PCDHA8: variants seen among roughly 807,000 people sequenced by gnomAD.
PCDHA8 encodes the protein protocadherin alpha 8, also known as protocadherin alpha-8.
In PCDHA8, 53 loss-of-function variants were observed where a neutral mutation model predicts 61.8. The ratio of observed to expected loss-of-function variants is 0.86; its 90% CI spans 0.69 to 1.08. The LOEUF (loss-of-function observed/expected upper bound fraction) is 1.08, where lower values mean the gene tolerates loss of function less well. Ranked by LOEUF, PCDHA8 falls within the 50% of genes least tolerant of loss-of-function variation. The pLI is 0.00. For missense variants in PCDHA8, 1,293 were observed against 1,245.0 expected (o/e 1.04, Z -0.58); for synonymous variants, 618 against 556.6 (o/e 1.11, Z -1.55).
chr5:140,946,631 T>TATATATATATAC (rs57893927), intron 1 of PCDHA8, among the ~76,000 whole-genome samples: 3,699 of 131,684 alleles, frequency 0.028, 186 homozygotes, highest in East Asian at 0.064. Flanking sequence ...TATATATATA[T>TATATATATATAC]ACAATGGAAT....
chr5:140,935,734 C>G (rs1290620794), intron 1 of PCDHA8, among the ~76,000 whole-genome samples: 1 of 152,032 alleles, frequency 6.6e-6, no homozygotes, highest in East Asian at 1.9e-4. Flanking sequence ...AGTCTAGTAT[C>G]TATTATTCCA....
rs370307660 is a variant in PCDHA8 at position 140,924,901 on chromosome 5, A to T, written c.2395-54048A>T. On this transcript the variant is annotated intron_variant, in intron 1 of 3. Transcript: ENST00000531613. The stretch of plus-strand genomic sequence containing the variant: ...CAGAGCAAGAACCTGTCTCAAAAAA[A>T]AAAATAAAATAAAATAAAATAAAAT... Among the ~76,000 whole-genome samples, 368 of 80,482 alleles carry T rather than the reference A, an allele frequency of 4.6e-3. 1 individual carries two copies. Among genetic ancestry groups the T allele is most frequent in the East Asian group, 9.1e-3 (17 of 1,868 alleles). The allele number at this position is 80,482 out of a possible 152,430, so 52.8% of individuals were successfully genotyped here. A position where few individuals can be genotyped will look rare whatever the true frequency, so the allele number is the denominator to read the frequency against.
intron 1 of PCDHA8, chr5:140,870,941 C>T: frequency 6.2e-7 from 1 of 1,613,712 alleles, no homozygotes; most frequent in Non-Finnish European, 8.5e-7. Context: ...TTGCAGCCGG[C>T]GGCGGGCGGC....
intron 1 of PCDHA8, chr5:140,849,308 A>C (rs1224094157): frequency 7.7e-7 from 1 of 1,299,604 alleles, no homozygotes; most frequent in Admixed American, 2.3e-5. Flanking sequence ...ATTTAGACGA[A>C]GGCTTGAATG....
intron 1 of PCDHA8, chr5:140,862,620 G>A (rs2047455093): frequency 1.9e-6 from 1 of 528,384 alleles, no homozygotes. Context: ...GTAACAACCC[G>A]CGGGGCTGCC....
At chr5:140,948,321 T>C (rs922752818) in intron 1 of PCDHA8, among the ~76,000 whole-genome samples, 7 of 151,748 alleles carry the variant, frequency 4.6e-5, no homozygotes, top group South Asian at 4.1e-4. Flanking sequence ...AGGGGTAATG[T>C]TTTCATTAGG....
At chr5:140,983,481 T>A (rs782574681) in intron 3 of PCDHA8, among the ~76,000 whole-genome samples, 2 of 152,226 alleles carry the variant, frequency 1.3e-5, no homozygotes, top group Non-Finnish European at 2.9e-5. Context: ...TAATAGTAGT[T>A]ACTAATTATT....
chr5:140,979,094 T>G, intron 2 of PCDHA8, 87 bp downstream of exon 2: 3 of 1,551,990 alleles, frequency 1.9e-6, no homozygotes, highest in Non-Finnish European at 2.6e-6. Context: ...CAGAAGCAGC[T>G]GTCAAAACTA....
intron 1 of PCDHA8, among the ~76,000 whole-genome samples, chr5:140,909,474 C>G (rs1554193804): frequency 6.6e-6 from 1 of 152,182 alleles, no homozygotes; most frequent in African/African-American, 2.4e-5. Context: ...TCTTCACAGG[C>G]TAAATAGGAG....
intron 1 of PCDHA8, among the ~76,000 whole-genome samples, chr5:140,886,110 G>A (rs1332872994): frequency 6.6e-6 from 1 of 152,164 alleles, no homozygotes; most frequent in Non-Finnish European, 1.5e-5. Context: ...CAGTAAAGAA[G>A]TAACATAGTT....
intron 1 of PCDHA8, among the ~76,000 whole-genome samples, chr5:140,975,701 T>A (rs2153808072): frequency 6.6e-6 from 1 of 152,358 alleles, no homozygotes; most frequent in East Asian, 1.9e-4. Flanking sequence ...AAACTTATTT[T>A]ACTTTAAATC....
rs536777034 is a variant in PCDHA8 at position 140,985,803 on chromosome 5, G to A, written c.2542+3240G>A. Among the ~76,000 whole-genome samples the A allele has an allele frequency of 1.3e-4, 18 of 139,858 alleles. No individual in the cohort carries two copies. In the East Asian group the frequency reaches 1.8e-3, roughly 14 times the overall value. The allele number at this position is 139,858 out of a possible 152,430, so 91.8% of individuals were successfully genotyped here. A position where few individuals can be genotyped will look rare whatever the true frequency, so the allele number is the denominator to read the frequency against. Reference sequence around the variant, plus strand: ...CGCCCAGGCTGGAGTGCAGTGGCACGATCTCAGCTCACAACAAGCTCTGCC... The same window carrying A: ...CGCCCAGGCTGGAGTGCAGTGGCACAATCTCAGCTCACAACAAGCTCTGCC... On this transcript the variant is annotated intron_variant, in intron 3 of 3. Transcript: ENST00000531613.
intron 1 of PCDHA8, among the ~76,000 whole-genome samples, chr5:140,936,918 T>C (rs2091208385): frequency 6.6e-6 from 1 of 152,198 alleles, no homozygotes; most frequent in Non-Finnish European, 1.5e-5. Flanking sequence ...CTGTAGAAAA[T>C]ATGGGGTATA....
At chr5:140,927,204 G>C (rs1554204171) in intron 1 of PCDHA8, 1 of 1,614,112 alleles carries the variant, frequency 6.2e-7, no homozygotes, top group Middle Eastern at 1.6e-4. Flanking sequence ...TCGAGGACCC[G>C]CTGGAGCTGC....
chr5:140,968,761 T>C (rs782432205), intron 1 of PCDHA8: 1 of 1,614,140 alleles, frequency 6.2e-7, no homozygotes, highest in South Asian at 1.1e-5. Flanking sequence ...TCCGAGATAA[T>C]GGAGAGCCAT....
intron 1 of PCDHA8, chr5:140,928,165 C>G: frequency 6.2e-7 from 1 of 1,614,200 alleles, no homozygotes; most frequent in Non-Finnish European, 8.5e-7. Context: ...CTCACCCCCA[C>G]TTAGCACCCG....
chr5:140,962,050 A>AT (rs1207278188), intron 1 of PCDHA8, among the ~76,000 whole-genome samples: 3 of 151,684 alleles, frequency 2.0e-5, no homozygotes, highest in African/African-American at 7.3e-5. Context: ...TGCCTGGCTA[A>AT]TTTTTTTGTA....
chr5:141,006,361 A>G (rs1384420854), intron 3 of PCDHA8, among the ~76,000 whole-genome samples: 3 of 151,846 alleles, frequency 2.0e-5, no homozygotes, highest in African/African-American at 7.3e-5. Context: ...ATAGGCGCCC[A>G]CCACCACGCC....
intron 1 of PCDHA8, among the ~76,000 whole-genome samples, chr5:140,916,761 G>A (rs1391817856): frequency 2.0e-5 from 3 of 152,306 alleles, no homozygotes; most frequent in South Asian, 2.1e-4. Flanking sequence ...TTAGGGGAGG[G>A]GTGGCACAAG....
Sources: gnomAD v4.1 joint callset for allele counts (sites outside exome capture counted in the v4.1 genomes callset) on GRCh38, gnomAD v4.1.1 for gene constraint, MANE v1.5 for transcripts, NCBI Gene and HGNC (gene_info 2026-07-23, HGNC 2026-07-21) for gene names.